ARAP2: variants seen among roughly 807,000 people sequenced by gnomAD.
ARAP2 encodes the protein ArfGAP with RhoGAP domain, ankyrin repeat and PH domain 2, also known as arf-GAP with Rho-GAP domain, ANK repeat and PH domain-containing protein 2.
ARAP2 carries 148 observed loss-of-function variants against 194.5 expected under a neutral mutation model. The observed-to-expected ratio is 0.76, with a 90% CI of 0.67 to 0.87. The LOEUF is 0.87. Among genes scored for constraint, ARAP2 ranks in the 40% least tolerant of loss-of-function variants. The pLI is 0.00. For missense variants in ARAP2, 2,128 were observed against 1,989.7 expected (o/e 1.07, Z -1.32); for synonymous variants, 695 against 683.5 (o/e 1.02, Z -0.26).
chr4:36,018,001 C>T (rs565974446), intron 6 of ARAP2, among the ~76,000 whole-genome samples: 1 of 152,204 alleles, frequency 6.6e-6, no homozygotes, highest in East Asian at 1.9e-4. Context: ...TTTGATTGTA[C>T]ATAAATTGTG....
At chr4:36,011,467 G>A (rs1714536323) in intron 9 of ARAP2, among the ~76,000 whole-genome samples, 2 of 152,140 alleles carry the variant, frequency 1.3e-5, no homozygotes, top group South Asian at 4.1e-4. Flanking sequence ...AGTAGACAAA[G>A]TCTGCCTGAA....
Position 36,069,003 on chromosome 4 carries a change from T to G in ARAP2, c.4744-725A>C, listed in dbSNP as rs184255894. Among the ~76,000 whole-genome samples the G allele has an allele frequency of 1.7e-3, 253 of 147,048 alleles. 1 individual carries two copies. The highest frequency in any genetic ancestry group is 6.3e-3 in the African/African-American group (247 of 39,518). ...CTTGCCTCTTCTAACTCACTCCTGC[T>G]TAGATATGTCTAGCAAGGTTTCTAT... On this transcript the variant is annotated intron_variant, in intron 32 of 32. Transcript: ENST00000303965.
At position 36,119,688 on chromosome 4, in the gene ARAP2, T is replaced by C. The variant is rs749631351; in HGVS notation, c.3925A>G (p.Ile1309Val). ...CACTTGGTAATAAAGCTATTTTCTA[T>C]GTCCATTTGTTTGACTTGATCTTCT... is the stretch of plus-strand genomic sequence containing the variant. ...VKEDQVKQMDIENSFITKWKD... is the reference protein window; with the variant it reads ...VKEDQVKQMDVENSFITKWKD... The change falls in exon 24 of 33, where the codon ATA (isoleucine) becomes GTA (valine). Residue 1309 changes from isoleucine (I) to valine (V), a missense_variant. Physicochemically the swap from Ile to Val is conservative, Grantham distance 29 (BLOSUM62 3). Transcript: ENST00000303965. 3 of 1,604,222 alleles carry C rather than the reference T, an allele frequency of 1.9e-6. No homozygotes were observed. The highest frequency in any genetic ancestry group is 2.6e-6 in the Non-Finnish European group (3 of 1,172,582).
At chr4:36,016,766 T>A (rs906070359) in intron 6 of ARAP2, among the ~76,000 whole-genome samples, 1 of 152,154 alleles carries the variant, frequency 6.6e-6, no homozygotes, top group Admixed American at 6.6e-5. Flanking sequence ...AAACGTGAGA[T>A]AAATCACACA....
chr4:36,214,078 T>C (rs1356765207), intron 3 of ARAP2, among the ~76,000 whole-genome samples: 3 of 152,178 alleles, frequency 2.0e-5, no homozygotes, highest in East Asian at 1.9e-4. Flanking sequence ...CCAGTTACCA[T>C]GGCAAAATCA....
In ARAP2 at chr4:36,147,542, T is replaced by C. The variant is rs764463181; in HGVS notation, c.3199+6A>G. 3 of 1,601,894 alleles carry C rather than the reference T, an allele frequency of 1.9e-6. No homozygotes were observed. Among genetic ancestry groups the C allele is most frequent in the South Asian group, 1.1e-5 (1 of 88,348 alleles). ...TCCAAAGATAAGGGAAGAAAAAAGC[T>C]CTTACTTAGCTCTTGCAGTCTTCTT... is the stretch of plus-strand genomic sequence containing the variant. On this transcript the variant is annotated splice_donor_region_variant and intron_variant, in intron 18 of 32. Transcript: ENST00000303965.
intron 8 of ARAP2, among the ~76,000 whole-genome samples, chr4:36,014,309 G>GAAAGAGAGAGA (rs1560264746): frequency 6.9e-4 from 59 of 85,210 alleles, no homozygotes; most frequent in African/African-American, 3.1e-3. Context: ...AGAGAAGGAA[G>GAAAGAGAGAGA]GAAAGAAAGA....
chr4:36,116,472 C>A (rs1410995677), intron 25 of ARAP2, among the ~76,000 whole-genome samples: 2 of 151,796 alleles, frequency 1.3e-5, no homozygotes, highest in African/African-American at 2.4e-5. Flanking sequence ...ATTTTTAATT[C>A]ATCACAAATG....
intron 9 of ARAP2, among the ~76,000 whole-genome samples, chr4:36,171,314 T>C (rs1190496868): frequency 2.0e-5 from 3 of 152,082 alleles, no homozygotes; most frequent in South Asian, 2.1e-4. Flanking sequence ...ATGTGGCACA[T>C]ATACACCATG....
chr4:36,074,520 T>C (rs1361784254), intron 31 of ARAP2, among the ~76,000 whole-genome samples: 2 of 152,056 alleles, frequency 1.3e-5, no homozygotes, highest in African/African-American at 4.8e-5. Flanking sequence ...GTGATTCATC[T>C]CTGATATATA....
chr4:36,210,696 TC>T lies in ARAP2; in HGVS notation c.1180del (p.Asp394IlefsTer13). 3 of 1,611,546 alleles carry T rather than the reference TC, an allele frequency of 1.9e-6. No homozygotes were observed. Among genetic ancestry groups the T allele is most frequent in the Non-Finnish European group, 2.5e-6 (3 of 1,179,316 alleles). ...TTTGTCCTCTCGAGGTATCCAAATATCTTCCACCTTGTCCTCGCTTATTTTC... is the reference window on the plus strand; with the variant it reads ...TTTGTCCTCTCGAGGTATCCAAATATTTCCACCTTGTCCTCGCTTATTTTC... ...KEKISEDKVE[D>X]IWIPREDKNN... On this transcript the variant is annotated frameshift_variant, in exon 6 of 33. Transcript: ENST00000303965. LOFTEE classifies it high-confidence loss of function.
At chr4:36,107,950 T>G (rs1262094419) in intron 26 of ARAP2, among the ~76,000 whole-genome samples, 1 of 151,950 alleles carries the variant, frequency 6.6e-6, no homozygotes, top group Non-Finnish European at 1.5e-5. Flanking sequence ...TGAACTATTT[T>G]TAAAAATCAG....
intron 5 of ARAP2, among the ~76,000 whole-genome samples, chr4:36,031,170 T>C (rs1179192842): frequency 1.3e-5 from 2 of 152,156 alleles, no homozygotes; most frequent in African/African-American, 4.8e-5. Context: ...TTCATCTGCA[T>C]GACGATTGAT....
chr4:36,050,985 T>G (rs1054656843), intron 3 of ARAP2, among the ~76,000 whole-genome samples: 3 of 152,356 alleles, frequency 2.0e-5, no homozygotes, highest in African/African-American at 7.2e-5. Context: ...AAATTCCTCC[T>G]GTAAAAATCA....
intron 10 of ARAP2, chr4:36,005,806 G>A (rs16991835): frequency 6.6e-6 from 1 of 152,010 alleles, no homozygotes; most frequent in African/African-American, 2.4e-5. Context: ...GTGTCCTAAG[G>A]GTTCTCAAAA....
chr4:36,018,022 T>C (rs1716188390), intron 6 of ARAP2, among the ~76,000 whole-genome samples: 1 of 152,200 alleles, frequency 6.6e-6, no homozygotes, highest in East Asian at 1.9e-4. Context: ...TTGAATGTAT[T>C]TACTGTACTT....
chr4:36,210,984 T>G (rs1002947679), intron 5 of ARAP2, among the ~76,000 whole-genome samples: 1 of 152,172 alleles, frequency 6.6e-6, no homozygotes, highest in Non-Finnish European at 1.5e-5. Context: ...TTTAATCTTA[T>G]CCCTTTTATT....
At position 36,039,952 on chromosome 4, in the gene ARAP2, A is replaced by C. The variant is rs187885138; in HGVS notation, n.607+6027T>G. Among the ~76,000 whole-genome samples, 522 of 152,286 alleles carry C rather than the reference A, an allele frequency of 3.4e-3. 3 individuals are homozygous for C. The highest frequency in any genetic ancestry group is 0.012 in the African/African-American group (492 of 41,562). ...GAAAACAGTGAATTGTGGAAAAGGA[A>C]ATAAACTTTTTTAGTTTAGGGAAAG... On this transcript the variant is annotated intron_variant and non_coding_transcript_variant, in intron 5 of 12. Coordinates refer to the ARAP2 transcript ENST00000503225.
At chr4:36,048,367 CT>C (rs144396399) in intron 3 of ARAP2, among the ~76,000 whole-genome samples, 8,317 of 152,142 alleles carry the variant, frequency 0.055, 309 homozygotes, top group East Asian at 0.095. Context: ...GCCTTCATGT[CT>C]TTCCTCCCTC....
Sources: allele counts gnomAD v4.1 joint callset (sites outside exome capture counted in the v4.1 genomes callset), GRCh38; gene constraint gnomAD v4.1.1; transcripts MANE v1.5; gene names NCBI Gene and HGNC (gene_info 2026-07-23, HGNC 2026-07-21).